The following UGT1A3 variants were observed in gnomAD, a reference collection of about 807,000 sequenced individuals.
UGT1A3 encodes UDP glucuronosyltransferase family 1 member A3.
In UGT1A3, 31 loss-of-function variants were observed where a neutral mutation model predicts 41.0. That is an observed-to-expected ratio of 0.76 (90% CI 0.57 to 1.02). The LOEUF is 1.02. Ranked by LOEUF, UGT1A3 falls within the 50% of genes least tolerant of loss-of-function variation. The pLI, the probability that UGT1A3 is intolerant of heterozygous loss-of-function variation, is 0.00. For synonymous variants in UGT1A3, 262 were observed against 257.6 expected (o/e 1.02, Z -0.17); for missense variants, 737 against 671.0 (o/e 1.10, Z -1.09).
intron 1 of UGT1A3, chr2:233,754,464 G>A (rs748886391): frequency 1.4e-5 from 5 of 356,342 alleles, no homozygotes; most frequent in Non-Finnish European, 2.2e-5. Flanking sequence ...CAGCTGTTCT[G>A]AAAGTAAAGT....
At chr2:233,766,971 A>G (rs769177470) in intron 1 of UGT1A3, 63 bp from the exon 2 acceptor site, 76 of 1,610,288 alleles carry the variant, frequency 4.7e-5, no homozygotes, top group Non-Finnish European at 6.1e-5. Flanking sequence ...TTCATAACTT[A>G]CTGTATGTAG....
chr2:233,736,850 CTGCAGAACAGCAAATAT>C (rs1213146640), intron 1 of UGT1A3, among the ~76,000 whole-genome samples: 4 of 152,338 alleles, frequency 2.6e-5, no homozygotes, highest in African/African-American at 7.2e-5. Flanking sequence ...CCAGTGGAGG[CTGCAGAACAGCAAATAT>C]TGCAGAACAG....
intron 1 of UGT1A3, among the ~76,000 whole-genome samples, chr2:233,730,769 G>A (rs1017824034): frequency 2.0e-5 from 3 of 152,108 alleles, no homozygotes; most frequent in Non-Finnish European, 4.4e-5. Context: ...GAATCTATAA[G>A]CCCAGTGAAG....
rs1133495 is a variant in UGT1A3 at position 233,754,558 on chromosome 2, G to C, written c.868-12476G>C. On this transcript the variant is annotated intron_variant, in intron 1 of 4. Transcript: ENST00000482026. The stretch of plus-strand genomic sequence containing the variant: ...GGACTGGAATTACTTGGTGTCAATG[G>C]GGAGCAACTGCTCTATGCCGTTTAT... The C allele has an allele frequency of 1.8e-5, 7 of 391,006 alleles. No homozygotes were observed. In the East Asian group the frequency reaches 2.9e-4, roughly 16 times the overall value. The allele number at this position is 391,006 out of a possible 1,614,324, so 24.2% of individuals were successfully genotyped here. A position where few individuals can be genotyped will look rare whatever the true frequency, so the allele number is the denominator to read the frequency against.
At chr2:233,735,887 T>A (rs2078706567) in intron 1 of UGT1A3, among the ~76,000 whole-genome samples, 1 of 152,242 alleles carries the variant, frequency 6.6e-6, no homozygotes, top group Non-Finnish European at 1.5e-5. Flanking sequence ...CTGCTGTTAG[T>A]CTGATGGGCT....
chr2:233,730,058 A>C, intron 1 of UGT1A3, 65 bp downstream of exon 1: 3 of 1,611,656 alleles, frequency 1.9e-6, no homozygotes, highest in Non-Finnish European at 2.5e-6. Context: ...AAATGTATTT[A>C]TTTAAAATTG....
At chr2:233,736,824 C>G (rs1056780594) in intron 1 of UGT1A3, among the ~76,000 whole-genome samples, 5 of 152,198 alleles carry the variant, frequency 3.3e-5, no homozygotes, top group African/African-American at 1.2e-4. Flanking sequence ...TCCAGATGCT[C>G]TTTGCTTTGG....
In UGT1A3 at chr2:233,772,377, C is replaced by T. The variant is rs72551359; in HGVS notation, c.1423C>T (p.Leu475=). The T allele has an allele frequency of 6.2e-7, 1 of 1,614,256 alleles. No homozygotes were observed. Among genetic ancestry groups the T allele is most frequent in the Non-Finnish European group, 8.5e-7 (1 of 1,180,050 alleles). The change falls in exon 5 of 5, where the codon CTG becomes TTG. Residue 475 remains leucine (L), a synonymous_variant. Coordinates refer to ENST00000482026, the MANE Select transcript of UGT1A3 (RefSeq NM_019093.4). The stretch of plus-strand genomic sequence containing the variant: ...GATGAGGCACAAGGGCGCGCCACAC[C>T]TGCGCCCCGCAGCCCACGACCTCAC... ...FVMRHKGAPH[L]RPAAHDLTWY...
Position 233,729,726 on chromosome 2 carries a change from C to T in UGT1A3, c.600C>T (p.Thr200=). 2 of 1,613,934 alleles carry T rather than the reference C, an allele frequency of 1.2e-6. No individual in the cohort carries two copies. The highest frequency in any genetic ancestry group is 2.7e-5 in the African/African-American group (2 of 75,034). Residue 200 remains threonine, a synonymous_variant, in exon 1 of 5, where the codon ACC becomes ACT. Transcript: ENST00000482026. ...CCTATATTCCTAGATTACTAACAAC[C>T]AATTCAGACCACATGACATTCATGC... ...PSSYIPRLLT[T]NSDHMTFMQR... is the part of the protein sequence containing the mutation.
intron 1 of UGT1A3, among the ~76,000 whole-genome samples, chr2:233,761,928 C>A (rs183537343): frequency 6.6e-6 from 1 of 152,346 alleles, no homozygotes; most frequent in Non-Finnish European, 1.5e-5. Flanking sequence ...AGCCCAGGCA[C>A]TTCCCAGGTG....
intron 1 of UGT1A3, among the ~76,000 whole-genome samples, chr2:233,766,023 T>C (rs1365175031): frequency 6.6e-6 from 1 of 152,110 alleles, no homozygotes; most frequent in Non-Finnish European, 1.5e-5. Context: ...TTCTTTTAGT[T>C]TTGCCCTCTA....
At chr2:233,737,003 G>T (rs560792837) in intron 1 of UGT1A3, among the ~76,000 whole-genome samples, 1 of 152,206 alleles carries the variant, frequency 6.6e-6, no homozygotes, top group African/African-American at 2.4e-5. Flanking sequence ...TCAGGGACCC[G>T]CTTGAGGAGG....
chr2:233,755,082 T>A (rs971081603), intron 1 of UGT1A3: 2 of 1,336,596 alleles, frequency 1.5e-6, no homozygotes, highest in South Asian at 2.3e-5. Flanking sequence ...GTCATAGATA[T>A]CGCGTTTCTA....
intron 2 of UGT1A3, 69 bp from the exon 3 acceptor site, chr2:233,767,780 G>C: frequency 1.2e-6 from 2 of 1,613,138 alleles, no homozygotes; most frequent in Non-Finnish European, 1.7e-6. Flanking sequence ...TTTCTAGTTA[G>C]TATAGCAGAT....
In UGT1A3 at chr2:233,769,727, C is replaced by T. The variant is rs565012601; in HGVS notation, c.1307+1288C>T. The stretch of plus-strand genomic sequence containing the variant: ...AATGTTGGCTAGGCACCATGGCACA[C>T]GCCTGTAGTCCCAGCCACTCTGGAG... On this transcript the variant is annotated intron_variant, in intron 4 of 4. Transcript: ENST00000482026. This position sits in a 1 kb window ranked among gnomAD's most constrained non-coding sequence, Gnocchi z 4.4. 4.8e-4 allele frequency: 703 copies of T among 1,471,542 alleles called. 1 individual carries two copies. Among genetic ancestry groups the T allele is most frequent in the Non-Finnish European group, 5.6e-4 (625 of 1,109,932 alleles). The allele number at this position is 1,471,542 out of a possible 1,614,324, so 91.2% of individuals were successfully genotyped here. A position where few individuals can be genotyped will look rare whatever the true frequency, so the allele number is the denominator to read the frequency against.
In UGT1A3 at chr2:233,729,668, A is replaced by C. The variant is rs1346265450; in HGVS notation, c.542A>C (p.Asp181Ala). 7.4e-6 allele frequency: 12 copies of C among 1,613,764 alleles called. No individual in the cohort carries two copies. Among genetic ancestry groups the C allele is most frequent in the Non-Finnish European group, 1.0e-5 (12 of 1,179,836 alleles). Residue 181 changes from aspartate to alanine, a missense_variant, in exon 1 of 5, where the codon GAC becomes GCC. Asp to Ala is a moderately radical substitution (Grantham distance 126, BLOSUM62 -2). Transcript: ENST00000482026. ...TTGAGGAACATTCCATGTGATTTAG[A>C]CTTTAAGGGCACACAGTGTCCAAAC... ...FFLRNIPCDL[D>A]FKGTQCPNPS...
intron 4 of UGT1A3, among the ~76,000 whole-genome samples, chr2:233,771,925 G>A (rs1269829032): frequency 6.6e-6 from 1 of 151,860 alleles, no homozygotes; most frequent in Non-Finnish European, 1.5e-5. Flanking sequence ...ACACAGCCTG[G>A]GCAACACAAT....
At chr2:233,755,437 G>A (rs558010225) in intron 1 of UGT1A3, 20 of 316,674 alleles carry the variant, frequency 6.3e-5, no homozygotes, top group East Asian at 5.9e-4. Flanking sequence ...ATCCCAAGAT[G>A]CAGTGCTCCT....
In UGT1A3 at chr2:233,729,873, C is replaced by T. The variant is rs758100575; in HGVS notation, c.747C>T (p.Leu249=). Residue 249 remains leucine, a synonymous_variant, in exon 1 of 5, where the codon CTC becomes CTT. Transcript: ENST00000482026. The part of the protein sequence containing the change: ...FQREVSVVDI[L]SHASVWLFRG... ...GAGAGGTGTCAGTGGTGGATATTCT[C>T]AGTCATGCATCTGTGTGGCTGTTCC... 6.2e-7 allele frequency: 1 copy of T among 1,613,864 alleles called. No homozygotes were observed. Among genetic ancestry groups the T allele is most frequent in the Non-Finnish European group, 8.5e-7 (1 of 1,179,862 alleles).
Sources: gnomAD v4.1 joint callset for allele counts (sites outside exome capture counted in the v4.1 genomes callset) on GRCh38, gnomAD v4.1.1 for gene constraint, Gnocchi (gnomAD v3.1) non-coding constraint, MANE v1.5 for transcripts, NCBI Gene and HGNC (gene_info 2026-07-23, HGNC 2026-07-21) for gene names.